Variants in ZNF619 observed in about 807,000 individuals in gnomAD.
The protein encoded by ZNF619 is zinc finger protein 619.
A neutral mutation model predicts 14.2 loss-of-function variants in ZNF619; 9 were observed. That is an observed-to-expected ratio of 0.64 (90% CI 0.38 to 1.11). The LOEUF is 1.11. Among genes scored for constraint, ZNF619 ranks in the 50% least tolerant of loss-of-function variants. ZNF619 has a pLI of 0.01. For synonymous variants in ZNF619, 246 were observed against 252.8 expected, an observed-to-expected ratio of 0.97 and a Z score of 0.26; for missense variants, 659 against 680.1, an observed-to-expected ratio of 0.97 and a Z score of 0.34.
chr3:40,485,589 C>T (rs1384122802), intron 4 of ZNF619, among the ~76,000 whole-genome samples: 1 of 152,148 alleles, frequency 6.6e-6, no homozygotes, highest in Non-Finnish European at 1.5e-5. Flanking sequence ...AGGCATGAGC[C>T]ACTGTGCCCG....
At chr3:40,478,649 T>G (rs1268146948) in intron 2 of ZNF619, among the ~76,000 whole-genome samples, 1 of 152,038 alleles carries the variant, frequency 6.6e-6, no homozygotes, top group Non-Finnish European at 1.5e-5. Flanking sequence ...GGCTACAAAT[T>G]CATGTAGCAT....
intron 4 of ZNF619, among the ~76,000 whole-genome samples, 189 bp downstream of exon 4, chr3:40,482,893 T>A (rs1575266728): frequency 6.6e-6 from 1 of 152,226 alleles, no homozygotes; most frequent in Non-Finnish European, 1.5e-5. Context: ...CGCCATTTTA[T>A]TTCTGCCATT....
intron 4 of ZNF619, among the ~76,000 whole-genome samples, chr3:40,485,962 A>C (rs940123806): frequency 9.2e-5 from 14 of 152,194 alleles, no homozygotes; most frequent in Admixed American, 1.3e-4. Flanking sequence ...CTTTATAAGC[A>C]GCAGTGTTAC....
Position 40,487,582 on chromosome 3 carries a change from GT to G in ZNF619, c.1074del (p.Leu359Ter). Reference sequence around the variant, plus strand: ...TGGGAAGAGTTTGAGTTCTAATTCAGTTCTGATTCAGCATCAGAGAATCCAC... The same window carrying G: ...TGGGAAGAGTTTGAGTTCTAATTCAGTCTGATTCAGCATCAGAGAATCCAC... The part of the protein sequence containing the change: ...ECGKSLSSNS[V>X]LIQHQRIHTG... On this transcript the variant is annotated frameshift_variant, in exon 5 of 5. Transcript: ENST00000432264. LOFTEE classifies it low-confidence loss of function (END_TRUNC). 1 of 1,613,682 alleles carries G rather than the reference GT, an allele frequency of 6.2e-7. No individual in the cohort carries two copies. The highest frequency in any genetic ancestry group is 8.5e-7 in the Non-Finnish European group (1 of 1,179,908).
At chr3:40,482,077 T>G (rs924377352) in intron 3 of ZNF619, 61 bp downstream of exon 3, 1 of 1,555,300 alleles carries the variant, frequency 6.4e-7, no homozygotes, top group African/African-American at 1.4e-5. Flanking sequence ...AGATTCCTCC[T>G]TAGCAGAACT....
At chr3:40,480,485 A>C (rs1233862097) in intron 2 of ZNF619, among the ~76,000 whole-genome samples, 1 of 149,658 alleles carries the variant, frequency 6.7e-6, no homozygotes, top group Non-Finnish European at 1.5e-5. Flanking sequence ...CTTTACAATG[A>C]TGACTGCATA....
Position 40,490,632 on chromosome 3 carries a change from C to T in ZNF619, c.*2391C>T, listed in dbSNP as rs1697776559. On this transcript the variant is annotated 3_prime_UTR_variant, in exon 5 of 5. Transcript: ENST00000432264. ...CCTGCTTAACAAAATGACAAGGATA[C>T]AGACCTTTATGATGATCCATATAAT... 6.6e-6 allele frequency among the ~76,000 whole-genome samples: 1 copy of T among 152,100 alleles called. No individual in the cohort carries two copies.
intron 3 of ZNF619, chr3:40,482,306 A>G (rs759851502): frequency 4.4e-5 from 69 of 1,552,166 alleles, no homozygotes; most frequent in Non-Finnish European, 5.7e-5. Flanking sequence ...CATTCCTTCC[A>G]TCTTCCAGTT....
intron 4 of ZNF619, chr3:40,483,833 G>A (rs1330767848): frequency 6.0e-6 from 2 of 333,280 alleles, no homozygotes; most frequent in Non-Finnish European, 1.2e-5. Flanking sequence ...TCGCCATGTT[G>A]GTCAGGCTGG....
At chr3:40,480,921 A>G (rs1697371387) in intron 2 of ZNF619, among the ~76,000 whole-genome samples, 1 of 152,196 alleles carries the variant, frequency 6.6e-6, no homozygotes, top group African/African-American at 2.4e-5. Context: ...AGATGTTTTA[A>G]TGGGACTAAT....
rs1476177387 is a variant in ZNF619 at position 40,487,261 on chromosome 3, C to G, written c.751C>G (p.Gln251Glu). ...FRYNSKLSRH[Q>E]KIHTGEKPYS... ...ATATAACTCAAAACTGTCACGGCATCAGAAAATCCACACTGGAGAGAAACC... is the reference window on the plus strand; with the variant it reads ...ATATAACTCAAAACTGTCACGGCATGAGAAAATCCACACTGGAGAGAAACC... The change falls in exon 5 of 5, where the codon CAG (glutamine) becomes GAG (glutamate). Residue 251 changes from glutamine (Q) to glutamate (E), a missense_variant. Physicochemically the swap from Gln to Glu is conservative, Grantham distance 29. Transcript: ENST00000432264. The G allele has an allele frequency of 6.2e-7, 1 of 1,614,124 alleles. No individual in the cohort carries two copies. The highest frequency in any genetic ancestry group is 2.2e-5 in the East Asian group (1 of 44,890).
rs1481721627 is a variant in ZNF619, at chr3:40,485,301, C to CTT, written c.296-1505_296-1504insTT. 9.5e-5 allele frequency among the ~76,000 whole-genome samples: 11 copies of CTT among 116,084 alleles called. No individual in the cohort carries two copies. The East Asian group carries it at 1.8e-3, about 19-fold the overall frequency. The allele number at this position is 116,084 out of a possible 152,430, so 76.2% of individuals were successfully genotyped here. On this transcript the variant is annotated intron_variant, in intron 4 of 4. Coordinates refer to ENST00000432264, the MANE Select transcript of ZNF619 (RefSeq NM_001145093.4). ...AGTATAAAGTCTATTGTGAATGCAT[C>CTT]ATTTTTTTTTTTTTTTTGGAAACAG...
At chr3:40,482,729 C>T (rs1697449248) in intron 4 of ZNF619, 25 bp downstream of exon 4, 1 of 1,551,902 alleles carries the variant, frequency 6.4e-7, no homozygotes, top group Admixed American at 2.0e-5. Context: ...CTACCATCCT[C>T]CTTTCCAGCT....
intron 4 of ZNF619, among the ~76,000 whole-genome samples, chr3:40,486,134 T>C (rs1697571888): frequency 6.6e-6 from 1 of 152,210 alleles, no homozygotes; most frequent in Non-Finnish European, 1.5e-5. Context: ...TACTATGTGG[T>C]GCTAGAGCTG....
At chr3:40,485,656 T>C (rs1478217792) in intron 4 of ZNF619, among the ~76,000 whole-genome samples, 1 of 151,902 alleles carries the variant, frequency 6.6e-6, no homozygotes, top group Non-Finnish European at 1.5e-5. Flanking sequence ...CAGCTGTGTG[T>C]GTGTGTGTGT....
Position 40,490,010 on chromosome 3 carries a change from G to C in ZNF619, c.*1769G>C, listed in dbSNP as rs1458422385. On this transcript the variant is annotated 3_prime_UTR_variant, in exon 5 of 5. Coordinates refer to ENST00000432264, the MANE Select transcript of ZNF619 (RefSeq NM_001145093.4). ...TGGGGGGTCTTTAAGAGGTGATCAGGATTAGCCAAGTTCATCAGGGTGGAG... is the reference window on the plus strand; with the variant it reads ...TGGGGGGTCTTTAAGAGGTGATCAGCATTAGCCAAGTTCATCAGGGTGGAG... The C allele has an allele frequency of 6.6e-6, 1 of 152,188 alleles. No homozygotes were observed. Among genetic ancestry groups the C allele is most frequent in the Non-Finnish European group, 1.5e-5 (1 of 68,054 alleles). 9.4% of individuals were successfully genotyped at this position (152,188 alleles called of 1,614,324 possible). A position where few individuals can be genotyped will look rare whatever the true frequency, so the allele number is the denominator to read the frequency against.
At position 40,488,969 on chromosome 3, in the gene ZNF619, A is replaced by G. The variant is rs1697729427; in HGVS notation, c.*728A>G. The G allele has an allele frequency of 6.6e-6, 1 of 151,908 alleles. No individual in the cohort carries two copies. The highest frequency in any genetic ancestry group is 1.5e-5 in the Non-Finnish European group (1 of 67,990). The allele number at this position is 151,908 out of a possible 1,614,324, so 9.4% of individuals were successfully genotyped here. On this transcript the variant is annotated 3_prime_UTR_variant, in exon 5 of 5. Transcript: ENST00000432264. ...CCACTGCATCTGGCCTGCTTTCAGG[A>G]GTTAAGGAGGGCCATTTGGTGGACC...
intron 4 of ZNF619, among the ~76,000 whole-genome samples, chr3:40,485,952 C>T (rs1042534410): frequency 2.0e-5 from 3 of 152,166 alleles, no homozygotes; most frequent in African/African-American, 7.2e-5. Flanking sequence ...CTCATGAACC[C>T]TTTATAAGCA....
intron 2 of ZNF619, among the ~76,000 whole-genome samples, chr3:40,480,608 C>T (rs1697355280): frequency 1.3e-5 from 2 of 151,606 alleles, no homozygotes; most frequent in Non-Finnish European, 2.9e-5. Context: ...ACGCCATTCT[C>T]CAGCCTCAGC....
Sources: allele counts gnomAD v4.1 joint callset (sites outside exome capture counted in the v4.1 genomes callset), GRCh38; gene constraint gnomAD v4.1.1; transcripts MANE v1.5; gene names NCBI Gene and HGNC (gene_info 2026-07-23, HGNC 2026-07-21).